CADM2: variants seen among roughly 807,000 people sequenced by gnomAD.
CADM2 encodes the protein cell adhesion molecule 2.
CADM2 carries 12 observed loss-of-function variants against 49.8 expected under a neutral mutation model. The ratio of observed to expected loss-of-function variants is 0.24; its 90% CI spans 0.15 to 0.39. The LOEUF is 0.39. Among genes scored for constraint, CADM2 ranks in the 10% least tolerant of loss-of-function variants. CADM2 has a pLI of 1.00. For missense variants in CADM2, 378 were observed against 492.3 expected (o/e 0.77, Z 2.20); for synonymous variants, 214 against 175.4 (o/e 1.22, Z -1.74).
At chr3:85,778,579 C>T (rs1264369485) in intron 2 of CADM2, among the ~76,000 whole-genome samples, 1 of 152,108 alleles carries the variant, frequency 6.6e-6, no homozygotes, top group Non-Finnish European at 1.5e-5. Context: ...TTCTCCTTTG[C>T]CTTCCACCAT....
At chr3:85,369,248 T>C (rs2033019229) in intron 1 of CADM2, among the ~76,000 whole-genome samples, 2 of 152,218 alleles carry the variant, frequency 1.3e-5, no homozygotes, top group African/African-American at 4.8e-5. Flanking sequence ...GTAGTTTTTA[T>C]TAAAACAGTA....
chr3:85,903,476 A>G (rs1404072939), intron 5 of CADM2, among the ~76,000 whole-genome samples: 1 of 152,120 alleles, frequency 6.6e-6, no homozygotes, highest in African/African-American at 2.4e-5. Context: ...TCAGGTTCTT[A>G]TCTGACATTT....
At chr3:85,083,436 C>T (rs549417885) in intron 1 of CADM2, among the ~76,000 whole-genome samples, 1 of 152,220 alleles carries the variant, frequency 6.6e-6, no homozygotes, top group South Asian at 2.1e-4. Flanking sequence ...TTCACCTAAA[C>T]TTTGGTAAAG....
chr3:85,706,874 T>C (rs1305309643), intron 1 of CADM2, among the ~76,000 whole-genome samples: 2 of 152,184 alleles, frequency 1.3e-5, no homozygotes, highest in East Asian at 3.9e-4. Context: ...TCCTATCCAA[T>C]ATATTCTGGA....
intron 1 of CADM2, among the ~76,000 whole-genome samples, chr3:85,666,637 A>G (rs1450198826): frequency 6.6e-6 from 1 of 152,028 alleles, no homozygotes; most frequent in Non-Finnish European, 1.5e-5. Context: ...CCTAATGGTA[A>G]TAATCCGAGG....
chr3:85,775,714 C>T (rs556515571), intron 2 of CADM2, among the ~76,000 whole-genome samples: 1 of 151,862 alleles, frequency 6.6e-6, no homozygotes, highest in East Asian at 1.9e-4. Context: ...GGTTGATCTT[C>T]CATTATTTCA....
chr3:86,022,851 A>G (rs554426733), intron 8 of CADM2, among the ~76,000 whole-genome samples: 24 of 152,228 alleles, frequency 1.6e-4, no homozygotes, highest in African/African-American at 5.5e-4. Context: ...CTTACTTTTC[A>G]CAGAAAATAT....
intron 1 of CADM2, among the ~76,000 whole-genome samples, chr3:85,346,582 G>A (rs2030671898): frequency 6.6e-6 from 1 of 152,078 alleles, no homozygotes; most frequent in Non-Finnish European, 1.5e-5. Flanking sequence ...ATGAGAAAAG[G>A]CATTTAATTT....
intron 2 of CADM2, among the ~76,000 whole-genome samples, chr3:85,771,674 C>T (rs11922381): frequency 0.036 from 5,495 of 152,102 alleles, 302 homozygotes; most frequent in African/African-American, 0.12. Context: ...AAGGGTCTCT[C>T]TTTGCAGGTA....
intron 1 of CADM2, among the ~76,000 whole-genome samples, chr3:85,258,909 T>C (rs1016118325): frequency 6.6e-6 from 1 of 152,162 alleles, no homozygotes; most frequent in African/African-American, 2.4e-5. Context: ...ATAAGTAGAA[T>C]ACTGTTCCAA....
chr3:85,476,535 T>C (rs983014275), intron 1 of CADM2, among the ~76,000 whole-genome samples: 1 of 151,844 alleles, frequency 6.6e-6, no homozygotes, highest in African/African-American at 2.4e-5. Flanking sequence ...ATTCACTCTT[T>C]TATGAGTTTT....
At chr3:85,985,941 C>T (rs894907110) in intron 8 of CADM2, among the ~76,000 whole-genome samples, 6 of 151,964 alleles carry the variant, frequency 3.9e-5, no homozygotes, top group African/African-American at 1.2e-4. Context: ...ATGTGCACTA[C>T]GAAAGAGTTT....
chr3:85,588,501 T>C (rs2107329182), intron 1 of CADM2, among the ~76,000 whole-genome samples: 1 of 152,210 alleles, frequency 6.6e-6, no homozygotes, highest in African/African-American at 2.4e-5. Context: ...TAATGTATTC[T>C]TCATGCTAAA....
intron 1 of CADM2, among the ~76,000 whole-genome samples, chr3:85,530,331 T>C (rs1240286137): frequency 2.8e-5 from 2 of 71,188 alleles, no homozygotes; most frequent in Non-Finnish European, 7.3e-5. Flanking sequence ...CGTTTTTTTT[T>C]TTTTTTTTTT....
In CADM2 at chr3:85,666,182, A is replaced by C. The variant is rs953691637; in HGVS notation, c.62-60340A>C. ...TAAAATACCTAGGAATACAACTTAC[A>C]AGGGATGTGAAGGACATCTTCATGG... On this transcript the variant is annotated intron_variant, in intron 1 of 9. Coordinates refer to ENST00000383699, the MANE Select transcript of CADM2 (RefSeq NM_001167675.2). Among the ~76,000 whole-genome samples, 7 of 152,084 alleles carry C rather than the reference A, an allele frequency of 4.6e-5. No homozygotes were observed. In the East Asian group the frequency reaches 1.3e-3, roughly 29 times the overall value.
At chr3:84,996,650 T>C (rs986141706) in intron 1 of CADM2, among the ~76,000 whole-genome samples, 10 of 152,190 alleles carry the variant, frequency 6.6e-5, no homozygotes, top group Admixed American at 4.6e-4. Context: ...ATAAGCTTTG[T>C]ATTTTTAATA....
At chr3:85,936,305 T>A (rs1015156950) in intron 7 of CADM2, among the ~76,000 whole-genome samples, 4 of 151,796 alleles carry the variant, frequency 2.6e-5, no homozygotes, top group African/African-American at 4.8e-5. Flanking sequence ...AAACACCCAA[T>A]GAAACAAGTA....
chr3:85,213,801 C>G (rs936817612), intron 1 of CADM2, among the ~76,000 whole-genome samples: 4 of 151,814 alleles, frequency 2.6e-5, no homozygotes, highest in African/African-American at 9.7e-5. Flanking sequence ...TTTCAAATGG[C>G]CTGTCTTCAT....
chr3:85,928,064 T>G (rs1720109872), intron 6 of CADM2, among the ~76,000 whole-genome samples: 3 of 152,164 alleles, frequency 2.0e-5, no homozygotes, highest in Non-Finnish European at 2.9e-5. Flanking sequence ...TCAATATCTT[T>G]ACTTTGATTC....
Sources: gnomAD v4.1 joint callset for allele counts (sites outside exome capture counted in the v4.1 genomes callset) on GRCh38, gnomAD v4.1.1 for gene constraint, MANE v1.5 for transcripts, NCBI Gene and HGNC (gene_info 2026-07-23, HGNC 2026-07-21) for gene names.